MDN1: variants seen among roughly 807,000 people sequenced by gnomAD.
MDN1 encodes the protein midasin.
MDN1 carries 266 observed loss-of-function variants against 669.2 expected under a neutral mutation model. The observed-to-expected ratio is 0.40, with a 90% CI of 0.36 to 0.44. MDN1 has a LOEUF of 0.44. Among genes scored for constraint, MDN1 ranks in the 20% least tolerant of loss-of-function variants. MDN1 has a pLI of 1.00. For synonymous variants in MDN1, 2,385 were observed against 2,457.1 expected (o/e 0.97, Z 0.87); for missense variants, 5,940 against 6,754.0 (o/e 0.88, Z 4.22).
Position 89,708,529 on chromosome 6 carries a change from T to C in MDN1, c.7865A>G (p.Gln2622Arg). 6.2e-7 allele frequency: 1 copy of C among 1,614,100 alleles called. No individual in the cohort carries two copies. The change falls in exon 51 of 102, where the codon CAG becomes CGG. Residue 2622 changes from glutamine (Q) to arginine (R), a missense_variant. Transcript: ENST00000369393. ...DFDPQTDQPDQLFALLESAAN... is the reference protein window; with the variant it reads ...DFDPQTDQPDRLFALLESAAN... ...AGCTGATTCTAAAAGGGCAAAGAGC[T>C]GGTCAGGCTGGTCCGTTTGTGGGTC...
chr6:89,801,967 A>C (rs1032945026), intron 2 of MDN1, among the ~76,000 whole-genome samples: 3 of 114,584 alleles, frequency 2.6e-5, no homozygotes, highest in Non-Finnish European at 6.8e-5. Flanking sequence ...TTCAAAAAGA[A>C]AAAAAAAAAA....
At chr6:89,743,051 C>A in intron 31 of MDN1, 99 bp downstream of exon 31, 1 of 1,432,884 alleles carries the variant, frequency 7.0e-7, no homozygotes, top group South Asian at 1.3e-5. Flanking sequence ...CACGGCACTG[C>A]AGCCTGGGGT....
intron 1 of MDN1, among the ~76,000 whole-genome samples, chr6:89,807,627 T>C (rs1290272754): frequency 2.0e-5 from 3 of 152,324 alleles, no homozygotes; most frequent in African/African-American, 4.8e-5. Context: ...TCACCAACTT[T>C]AGAAATTTTG....
chr6:89,662,443 G>A (rs1809867762), intron 86 of MDN1, among the ~76,000 whole-genome samples: 1 of 152,138 alleles, frequency 6.6e-6, no homozygotes, highest in Admixed American at 6.6e-5. Flanking sequence ...GGTGGGGTGA[G>A]TTTGATAATT....
chr6:89,683,765 T>C, intron 72 of MDN1, 66 bp downstream of exon 72: 1 of 1,221,926 alleles, frequency 8.2e-7, no homozygotes, highest in East Asian at 2.3e-5. Flanking sequence ...AACTATGTCG[T>C]TTTGCTCCCT....
At chr6:89,687,236 A>C in intron 68 of MDN1, 108 bp downstream of exon 68, 1 of 1,205,548 alleles carries the variant, frequency 8.3e-7, no homozygotes, top group Admixed American at 2.4e-5. Context: ...ATAACTGAAA[A>C]GCACATTCTG....
chr6:89,787,743 A>G, intron 8 of MDN1, 111 bp downstream of exon 8: 1 of 703,902 alleles, frequency 1.4e-6, no homozygotes, highest in Non-Finnish European at 2.4e-6. Flanking sequence ...ACTTCCAACT[A>G]ACCTTGCTTG....
At chr6:89,719,575 G>A (rs547020615) in intron 40 of MDN1, among the ~76,000 whole-genome samples, 1 of 152,056 alleles carries the variant, frequency 6.6e-6, no homozygotes, top group Non-Finnish European at 1.5e-5. Context: ...CCTAAAAAGA[G>A]GATAGAACAG....
At chr6:89,734,525 G>A (rs1477293135) in intron 33 of MDN1, among the ~76,000 whole-genome samples, 6 of 151,914 alleles carry the variant, frequency 3.9e-5, no homozygotes, top group African/African-American at 1.2e-4. Flanking sequence ...TGGTGGGCAC[G>A]TCTGTAGTTC....
intron 40 of MDN1, among the ~76,000 whole-genome samples, chr6:89,720,858 A>G (rs1814770604): frequency 6.6e-6 from 1 of 152,246 alleles, no homozygotes; most frequent in Non-Finnish European, 1.5e-5. Context: ...GTGGCCGGGC[A>G]CAGTGGCTCA....
intron 90 of MDN1, 55 bp from the exon 91 acceptor site, chr6:89,656,856 G>T: frequency 6.9e-7 from 1 of 1,444,458 alleles, no homozygotes; most frequent in Non-Finnish European, 9.7e-7. Context: ...ACAAGTCCCT[G>T]GTTACTGTGC....
At chr6:89,728,447 T>C (rs544852290) in intron 36 of MDN1, among the ~76,000 whole-genome samples, 5 of 152,334 alleles carry the variant, frequency 3.3e-5, no homozygotes, top group African/African-American at 1.2e-4. Flanking sequence ...CCAGAGAGAA[T>C]TAATATTATA....
chr6:89,768,395 A>C (rs959546080), intron 15 of MDN1, among the ~76,000 whole-genome samples: 1 of 152,158 alleles, frequency 6.6e-6, no homozygotes, highest in Non-Finnish European at 1.5e-5. Flanking sequence ...CATCCATGTA[A>C]GACACGACTT....
chr6:89,783,809 A>C (rs927344466), intron 9 of MDN1, among the ~76,000 whole-genome samples: 2 of 152,096 alleles, frequency 1.3e-5, no homozygotes, highest in African/African-American at 4.8e-5. Flanking sequence ...CTTATGGAAA[A>C]TAGAAAGAAC....
chr6:89,701,895 G>A lies in MDN1; in HGVS notation c.8306+9C>T. 2 of 1,606,778 alleles carry A rather than the reference G, an allele frequency of 1.2e-6. No homozygotes were observed. Among genetic ancestry groups the A allele is most frequent in the Non-Finnish European group, 1.7e-6 (2 of 1,177,546 alleles). On this transcript the variant is annotated intron_variant, in intron 54 of 101. Transcript: ENST00000369393. ...TCATTGACATTATTACTCTAAATAT[G>A]AATCTTACTTGTCTTCATAATTCAT... is the stretch of plus-strand genomic sequence containing the variant.
In MDN1 at chr6:89,674,469, G is replaced by A. The variant is rs1257122277; in HGVS notation, c.12882C>T (p.Ala4294=). Residue 4294 remains alanine, a synonymous_variant, in exon 79 of 102, where the codon GCC becomes GCT. Transcript: ENST00000369393. ...QQWTERLQHL[A]MQCQILLEQL... ...GCTCAAGCAGGATCTGGCACTGCATGGCCAGGTGCTGCAGGCGCTCTGTCC... is the reference window on the plus strand; with the variant it reads ...GCTCAAGCAGGATCTGGCACTGCATAGCCAGGTGCTGCAGGCGCTCTGTCC... 6.2e-7 allele frequency: 1 copy of A among 1,613,588 alleles called. No individual in the cohort carries two copies. Among genetic ancestry groups the A allele is most frequent in the Non-Finnish European group, 8.5e-7 (1 of 1,179,996 alleles).
In MDN1 at chr6:89,699,045, A is replaced by C; in HGVS notation, c.8998-10T>G. Reference sequence around the variant, plus strand: ...TTTCTTCAGGAGACACCTAGAAATAAAGGAATAATTAGGTAAGAGAATACC... The same window carrying C: ...TTTCTTCAGGAGACACCTAGAAATACAGGAATAATTAGGTAAGAGAATACC... On this transcript the variant is annotated splice_polypyrimidine_tract_variant and intron_variant, in intron 58 of 101. Coordinates refer to ENST00000369393, the MANE Select transcript of MDN1 (RefSeq NM_014611.3). 1 of 1,603,446 alleles carries C rather than the reference A, an allele frequency of 6.2e-7. No individual in the cohort carries two copies. Among genetic ancestry groups the C allele is most frequent in the Non-Finnish European group, 8.5e-7 (1 of 1,172,158 alleles).
intron 20 of MDN1, among the ~76,000 whole-genome samples, chr6:89,755,920 G>T (rs1817222352): frequency 1.3e-5 from 2 of 152,180 alleles, no homozygotes; most frequent in South Asian, 4.1e-4. Flanking sequence ...CACATAGCTA[G>T]TATAAATATT....
At chr6:89,727,547 C>T (rs901528245) in intron 37 of MDN1, among the ~76,000 whole-genome samples, 5 of 152,098 alleles carry the variant, frequency 3.3e-5, no homozygotes, top group African/African-American at 4.8e-5. Flanking sequence ...AATGCAGAAA[C>T]GGCAAGCCTG....
Sources: gnomAD v4.1 joint callset for allele counts (sites outside exome capture counted in the v4.1 genomes callset) on GRCh38, gnomAD v4.1.1 for gene constraint, MANE v1.5 for transcripts, NCBI Gene and HGNC (gene_info 2026-07-23, HGNC 2026-07-21) for gene names.